TP53INP1: variants seen among roughly 807,000 people sequenced by gnomAD.
TP53INP1 encodes the protein tumor protein p53 inducible nuclear protein 1.
Under a neutral mutation model 21.0 loss-of-function variants are expected in TP53INP1, and 12 were observed. That is an observed-to-expected ratio of 0.57 (90% CI 0.37 to 0.93). The LOEUF (loss-of-function observed/expected upper bound fraction) is 0.93, where lower values mean the gene tolerates loss of function less well. TP53INP1 is among the 40% of genes least tolerant of loss of function. TP53INP1 has a pLI of 0.01. For missense variants in TP53INP1, 274 were observed against 294.7 expected (o/e 0.93, Z 0.51); for synonymous variants, 91 against 94.8 (o/e 0.96, Z 0.23).
At position 94,940,868 on chromosome 8, in the gene TP53INP1, TC is replaced by T. The variant is rs1229561049; in HGVS notation, c.73del (p.Glu25ArgfsTer13). The T allele has an allele frequency of 6.2e-7, 1 of 1,613,742 alleles. No homozygotes were observed. The highest frequency in any genetic ancestry group is 1.3e-5 in the African/African-American group (1 of 74,900). On this transcript the variant is annotated frameshift_variant, in exon 2 of 4. Coordinates refer to ENST00000342697, the MANE Select transcript of TP53INP1 (RefSeq NM_033285.4). LOFTEE classifies it high-confidence loss of function. ...SSSNQEPEFN[E>X]KEDDEWILVD... ...AAGAATCCATTCATCATCTTCTTTC[TC>T]ATTGAATTCTGGTTCTTGGTTGGAG...
chr8:94,930,240 T>C lies in TP53INP1; in HGVS notation c.*239A>G. 3.8e-6 allele frequency: 2 copies of C among 523,844 alleles called. No individual in the cohort carries two copies. Among genetic ancestry groups the C allele is most frequent in the South Asian group, 5.5e-5 (2 of 36,088 alleles). The allele number at this position is 523,844 out of a possible 1,614,324, so 32.4% of individuals were successfully genotyped here. A position where few individuals can be genotyped will look rare whatever the true frequency, so the allele number is the denominator to read the frequency against. On this transcript the variant is annotated 3_prime_UTR_variant, in exon 4 of 4. Transcript: ENST00000342697. ...ACACCCCCAAACACTGTAATTATAT[T>C]GATATGTTTCCAGAAATAATCTGAA...
intron 3 of TP53INP1, 108 bp downstream of exon 3, chr8:94,939,752 C>CT: frequency 6.8e-7 from 1 of 1,464,652 alleles, no homozygotes; most frequent in Non-Finnish European, 9.2e-7. Context: ...TCATAAATCT[C>CT]TAACAAAATT....
rs1279790619 is a variant in TP53INP1, at chr8:94,949,163, G to C, written c.-160C>G. 11 of 149,998 alleles carry C rather than the reference G, an allele frequency of 7.3e-5. No homozygotes were observed. Among genetic ancestry groups the C allele is most frequent in the Admixed American group, 7.3e-4 (11 of 15,066 alleles). 9.3% of individuals were successfully genotyped at this position (149,998 alleles called of 1,614,324 possible). A position where few individuals can be genotyped will look rare whatever the true frequency, so the allele number is the denominator to read the frequency against. On this transcript the variant is annotated 5_prime_UTR_variant, in exon 1 of 4. Transcript: ENST00000342697. ...CCCCCCCGGCACTTACGTGGGCCCG[G>C]GCCGTGCGGGGCTGCGCGGGGAAGG...
rs1380596927 is a variant in TP53INP1, at chr8:94,940,048, G to C, written c.285C>G (p.Ser95Arg). ...LQFESCPMEE[S>R]WFITPPPCFT... ...AACATGGGGGTGGGGTGATAAACCAGCTCTCCTCCATTGGACATGACTCAA... is the reference window on the plus strand; with the variant it reads ...AACATGGGGGTGGGGTGATAAACCACCTCTCCTCCATTGGACATGACTCAA... Residue 95 changes from serine (S) to arginine (R), a missense_variant, in exon 3 of 4, where the codon AGC becomes AGG. Transcript: ENST00000342697. 6.2e-7 allele frequency: 1 copy of C among 1,614,194 alleles called. No homozygotes were observed. Among genetic ancestry groups the C allele is most frequent in the Admixed American group, 1.7e-5 (1 of 60,028 alleles).
chr8:94,938,746 G>A (rs569522623), intron 3 of TP53INP1, among the ~76,000 whole-genome samples: 8 of 152,350 alleles, frequency 5.3e-5, no homozygotes, highest in African/African-American at 1.7e-4. Flanking sequence ...CTTGCCTTAT[G>A]CATCCCTTCA....
intron 3 of TP53INP1, among the ~76,000 whole-genome samples, chr8:94,936,379 G>C (rs568840790): frequency 6.6e-6 from 1 of 152,316 alleles, no homozygotes; most frequent in East Asian, 1.9e-4. Context: ...CTCTGGAACT[G>C]TGTGAGGAGC....
intron 3 of TP53INP1, 39 bp from the exon 4 acceptor site, chr8:94,930,767 G>A: frequency 6.3e-7 from 1 of 1,596,826 alleles, no homozygotes; most frequent in Admixed American, 1.7e-5. Flanking sequence ...AAATAACAGA[G>A]TATGTTATTA....
chr8:94,936,388 G>T (rs902387555), intron 3 of TP53INP1, among the ~76,000 whole-genome samples: 3 of 152,218 alleles, frequency 2.0e-5, no homozygotes, highest in Admixed American at 2.0e-4. Flanking sequence ...TGTGTGAGGA[G>T]CTGGATTCCA....
chr8:94,932,678 C>T lies in TP53INP1; in HGVS notation c.474-1950G>A, dbSNP rs190467223. Among the ~76,000 whole-genome samples the T allele has an allele frequency of 4.7e-3, 716 of 152,250 alleles. 4 individuals carry two copies. Among genetic ancestry groups the T allele is most frequent in the African/African-American group, 0.016 (684 of 41,532 alleles). On this transcript the variant is annotated intron_variant, in intron 3 of 3. Coordinates refer to ENST00000342697, the MANE Select transcript of TP53INP1 (RefSeq NM_033285.4). ...ATTAGCTGGGTGCGGTGGCGGGCGCCTGTAGTCCCAGCTACTCGGGAGGCT... is the reference window on the plus strand; with the variant it reads ...ATTAGCTGGGTGCGGTGGCGGGCGCTTGTAGTCCCAGCTACTCGGGAGGCT...
intron 3 of TP53INP1, among the ~76,000 whole-genome samples, chr8:94,933,546 C>A (rs1181992367): frequency 1.3e-5 from 2 of 152,052 alleles, no homozygotes; most frequent in Non-Finnish European, 2.9e-5. Flanking sequence ...AGGTGGCTCA[C>A]CTGAAGTCAG....
rs753451554 is a variant in TP53INP1, at chr8:94,930,496, G to A, written c.706C>T (p.Arg236Cys). 3.7e-6 allele frequency: 6 copies of A among 1,614,066 alleles called. No homozygotes were observed. The highest frequency in any genetic ancestry group is 2.2e-5 in the South Asian group (2 of 91,086). The change falls in exon 4 of 4, where the codon CGT (arginine) becomes TGT (cysteine). Residue 236 changes from arginine to cysteine, a missense_variant. By Grantham distance (180) the Arg-to-Cys change is radical. Coordinates refer to ENST00000342697, the MANE Select transcript of TP53INP1 (RefSeq NM_033285.4). ...NGWVVHQPCP[R>C]QYNY ...TGAAACTATTAGTAATTGTACTGACGCGGGCAGGGCTGATGAACAACCCAG... is the reference window on the plus strand; with the variant it reads ...TGAAACTATTAGTAATTGTACTGACACGGGCAGGGCTGATGAACAACCCAG...
In TP53INP1 at chr8:94,926,331, A is replaced by C. The variant is rs146521688; in HGVS notation, c.*4148T>G. ...TTAAGAAGGCACATGTACAGTCTACAATACTCTTCAGTCTCCCTAACTCAT... is the reference window on the plus strand; with the variant it reads ...TTAAGAAGGCACATGTACAGTCTACCATACTCTTCAGTCTCCCTAACTCAT... On this transcript the variant is annotated 3_prime_UTR_variant, in exon 4 of 4. Transcript: ENST00000342697. The C allele has an allele frequency of 1.3e-5, 2 of 152,532 alleles. No individual in the cohort carries two copies. The highest frequency in any genetic ancestry group is 4.8e-5 in the African/African-American group (2 of 41,412). 9.4% of individuals were successfully genotyped at this position (152,532 alleles called of 1,614,324 possible).
Position 94,946,696 on chromosome 8 carries a change from C to CAAAAAA in TP53INP1, c.-151+2452_-151+2457dup, listed in dbSNP as rs71273438. Reference sequence around the variant, plus strand: ...TGGTCAACAGAGTAAGACCCTGTCTCAAAAAAAAAAAAAAAAAAAAAAAAG... The same window carrying CAAAAAA: ...TGGTCAACAGAGTAAGACCCTGTCTCAAAAAAAAAAAAAAAAAAAAAAAAAAAAAAG... On this transcript the variant is annotated intron_variant, in intron 1 of 3. Transcript: ENST00000342697. Among the ~76,000 whole-genome samples, 233 of 34,664 alleles carry CAAAAAA rather than the reference C, an allele frequency of 6.7e-3. 34 individuals are homozygous for CAAAAAA. The highest frequency in any genetic ancestry group is 0.058 in the Middle Eastern group (3 of 52). 22.7% of individuals were successfully genotyped at this position (34,664 alleles called of 152,430 possible). A position where few individuals can be genotyped will look rare whatever the true frequency, so the allele number is the denominator to read the frequency against.
chr8:94,946,696 C>CAAAAAAAAAAAAAAAAAAAAAAAATAAAA (rs71273438), intron 1 of TP53INP1, among the ~76,000 whole-genome samples: 1 of 34,688 alleles, frequency 2.9e-5, no homozygotes, highest in Non-Finnish European at 5.3e-5. Context: ...GACCCTGTCT[C>CAAAAAAAAAAAAAAAAAAAAAAAATAAAA]AAAAAAAAAA....
chr8:94,938,241 A>G (rs1237183490), intron 3 of TP53INP1, among the ~76,000 whole-genome samples: 1 of 152,226 alleles, frequency 6.6e-6, no homozygotes, highest in East Asian at 1.9e-4. Context: ...AGACATGCTC[A>G]TACAGTACGA....
At position 94,939,944 on chromosome 8, in the gene TP53INP1, G is replaced by A; in HGVS notation, c.389C>T (p.Ser130Phe). 1 of 1,614,182 alleles carries A rather than the reference G, an allele frequency of 6.2e-7. No individual in the cohort carries two copies. The highest frequency in any genetic ancestry group is 8.5e-7 in the Non-Finnish European group (1 of 1,180,016). ...GCAGGAGTTATGCACAGCATAGACAGACATGCTGGGATGTTCAATGAGAAG... is the reference window on the plus strand; with the variant it reads ...GCAGGAGTTATGCACAGCATAGACAAACATGCTGGGATGTTCAATGAGAAG... ...ENLLIEHPSM[S>F]VYAVHNSCPG... Residue 130 changes from serine (S) to phenylalanine (F), a missense_variant, in exon 3 of 4, where the codon TCT becomes TTT. Coordinates refer to ENST00000342697, the MANE Select transcript of TP53INP1 (RefSeq NM_033285.4).
Position 94,930,729 on chromosome 8 carries a change from C to G in TP53INP1, c.474-1G>C, listed in dbSNP as rs369163386. On this transcript the variant is annotated splice_acceptor_variant, in intron 3 of 3. Transcript: ENST00000342697. LOFTEE classifies it high-confidence loss of function. Reference sequence around the variant, plus strand: ...CCCCATTTCATTTTGAGCTTCCACTCTGAAACAGAAAAAAGTGGGGATGTA... The same window carrying G: ...CCCCATTTCATTTTGAGCTTCCACTGTGAAACAGAAAAAAGTGGGGATGTA... 1.4e-5 allele frequency: 22 copies of G among 1,612,030 alleles called. No homozygotes were observed. Among genetic ancestry groups the G allele is most frequent in the Admixed American group, 5.0e-5 (3 of 59,546 alleles).
At chr8:94,948,371 C>G (rs1471735610) in intron 1 of TP53INP1, among the ~76,000 whole-genome samples, 2 of 152,192 alleles carry the variant, frequency 1.3e-5, no homozygotes, top group Non-Finnish European at 2.9e-5. Flanking sequence ...TAAAGCAAAG[C>G]CCCCAGCATA....
intron 1 of TP53INP1, among the ~76,000 whole-genome samples, chr8:94,948,630 G>C (rs1476944814): frequency 6.6e-6 from 1 of 152,164 alleles, no homozygotes; most frequent in East Asian, 1.9e-4. Context: ...GCAGGGCGGG[G>C]ACAGAGCGCC....
Sources: allele counts gnomAD v4.1 joint callset (sites outside exome capture counted in the v4.1 genomes callset), GRCh38; gene constraint gnomAD v4.1.1; transcripts MANE v1.5; gene names NCBI Gene and HGNC (gene_info 2026-07-23, HGNC 2026-07-21).